Variants in PTPRN2 observed in about 807,000 individuals in gnomAD.
PTPRN2 encodes the protein receptor-type tyrosine-protein phosphatase N2.
In PTPRN2, 74 loss-of-function variants were observed where a neutral mutation model predicts 118.8. The observed-to-expected ratio is 0.62, with a 90% CI of 0.52 to 0.76. The LOEUF (loss-of-function observed/expected upper bound fraction) is 0.76, where lower values mean the gene tolerates loss of function less well. PTPRN2 is among the 30% of genes least tolerant of loss of function. The probability of loss-of-function intolerance (pLI) is 0.00; values close to 1 mark genes in which losing one functional copy is unlikely to be tolerated. For missense variants in PTPRN2, 1,481 were observed against 1,394.4 expected, an observed-to-expected ratio of 1.06 and a Z score of -0.99; for synonymous variants, 641 against 608.0, an observed-to-expected ratio of 1.05 and a Z score of -0.80.
chr7:158,021,826 C>G (rs938540564), intron 11 of PTPRN2, among the ~76,000 whole-genome samples: 1 of 152,240 alleles, frequency 6.6e-6, no homozygotes, highest in East Asian at 1.9e-4. Flanking sequence ...ACCACTACAT[C>G]GGCCAACCCT....
rs1404198609 is a variant in PTPRN2 at position 157,845,394 on chromosome 7, AGCCTAACTCACCAGGTTACTG to A, written c.1788+53258_1788+53278del. Among the ~76,000 whole-genome samples the A allele has an allele frequency of 6.3e-5, 9 of 142,500 alleles. No individual in the cohort carries two copies. The highest frequency in any genetic ancestry group is 2.4e-4 in the African/African-American group (8 of 32,726). The allele number at this position is 142,500 out of a possible 152,430, so 93.5% of individuals were successfully genotyped here. On this transcript the variant is annotated intron_variant, in intron 12 of 22. Coordinates refer to ENST00000389418, the MANE Select transcript of PTPRN2 (RefSeq NM_002847.5). This position sits in a 1 kb window ranked among gnomAD's most constrained non-coding sequence, Gnocchi z 4.5. ...CCGGCCACGCCACAGTGAATCACGC[AGCCTAACTCACCAGGTTACTG>A]GCCTAACTCACCATGTTCCCGGCCA...
chr7:157,608,160 C>T (rs541375670), intron 15 of PTPRN2, among the ~76,000 whole-genome samples: 6 of 152,278 alleles, frequency 3.9e-5, no homozygotes, highest in African/African-American at 1.2e-4. Flanking sequence ...CTCCACCTCT[C>T]GGGTTCAAGT....
chr7:157,914,075 C>T (rs1350861043), intron 11 of PTPRN2, among the ~76,000 whole-genome samples: 1 of 152,186 alleles, frequency 6.6e-6, no homozygotes, highest in Non-Finnish European at 1.5e-5. Flanking sequence ...ATGATGACCC[C>T]TTGTTATTCT....
At chr7:157,918,480 G>A (rs965450451) in intron 11 of PTPRN2, among the ~76,000 whole-genome samples, 24 of 152,338 alleles carry the variant, frequency 1.6e-4, no homozygotes, top group African/African-American at 5.5e-4. Context: ...TGAGGACGAC[G>A]CGTGGGAGCA....
At chr7:157,665,152 C>T (rs1007520628) in intron 13 of PTPRN2, among the ~76,000 whole-genome samples, 2 of 152,318 alleles carry the variant, frequency 1.3e-5, no homozygotes, top group East Asian at 1.9e-4. Flanking sequence ...AGATCTTGGC[C>T]GGACAGAAGG....
intron 12 of PTPRN2, among the ~76,000 whole-genome samples, chr7:157,752,210 G>A (rs925553531): frequency 2.6e-5 from 4 of 152,226 alleles, no homozygotes; most frequent in African/African-American, 9.6e-5. Context: ...GGGGCACCGA[G>A]TGGCCAGGGC....
At chr7:158,006,910 C>T (rs113822691) in intron 11 of PTPRN2, among the ~76,000 whole-genome samples, 14 of 152,304 alleles carry the variant, frequency 9.2e-5, no homozygotes, top group Admixed American at 5.2e-4. Context: ...GGTCCTCTGG[C>T]GGGAAGCCTG....
chr7:158,216,535 GTATT>G (rs746197369), intron 3 of PTPRN2, among the ~76,000 whole-genome samples: 13 of 151,840 alleles, frequency 8.6e-5, no homozygotes, highest in Non-Finnish European at 1.8e-4. Flanking sequence ...TATCATGTAA[GTATT>G]AATCAAAGGA....
intron 12 of PTPRN2, among the ~76,000 whole-genome samples, chr7:157,715,046 TG>T (rs1250417775): frequency 3.3e-5 from 5 of 152,236 alleles, no homozygotes; most frequent in Middle Eastern, 3.2e-3. Flanking sequence ...GCCAGCTTCC[TG>T]GGGAAGAGCT....
chr7:157,826,026 C>T (rs557703135), intron 12 of PTPRN2, among the ~76,000 whole-genome samples: 30 of 152,220 alleles, frequency 2.0e-4, no homozygotes, highest in Non-Finnish European at 3.8e-4. Flanking sequence ...AGGGGTCAGG[C>T]AATCCCCTCT....
At chr7:157,679,599 A>T (rs1010619134) in intron 13 of PTPRN2, among the ~76,000 whole-genome samples, 4 of 152,230 alleles carry the variant, frequency 2.6e-5, no homozygotes, top group African/African-American at 9.6e-5. Context: ...TAGTAATTCA[A>T]TCTCCTTACT....
intron 11 of PTPRN2, among the ~76,000 whole-genome samples, chr7:158,048,623 C>T (rs1809057541): frequency 1.3e-5 from 1 of 74,108 alleles, no homozygotes; most frequent in Non-Finnish European, 2.9e-5. Flanking sequence ...ATCACCACTA[C>T]CACCATCACC....
intron 15 of PTPRN2, among the ~76,000 whole-genome samples, chr7:157,613,841 CG>C (rs1395906001): frequency 3.0e-4 from 46 of 152,204 alleles, no homozygotes; most frequent in Admixed American, 3.0e-3. Context: ...CGCCGTCCTG[CG>C]GCCCCCCCAC....
chr7:158,543,688 G>C (rs1464156440), intron 1 of PTPRN2, among the ~76,000 whole-genome samples: 3 of 152,252 alleles, frequency 2.0e-5, no homozygotes, highest in Non-Finnish European at 4.4e-5. Context: ...CATGTAGTAA[G>C]TGGATGTTCT....
chr7:157,667,872 C>G (rs1045749409), intron 13 of PTPRN2, among the ~76,000 whole-genome samples: 1 of 152,250 alleles, frequency 6.6e-6, no homozygotes, highest in Non-Finnish European at 1.5e-5. Flanking sequence ...CCAACACATC[C>G]AGAGCCAACT....
chr7:157,846,744 C>T (rs1242818691), intron 12 of PTPRN2, among the ~76,000 whole-genome samples: 5 of 150,782 alleles, frequency 3.3e-5, no homozygotes, highest in African/African-American at 1.2e-4. Flanking sequence ...TCTCTCACTC[C>T]ATCATGCGTG....
At chr7:158,551,255 C>G (rs1826635370) in intron 1 of PTPRN2, among the ~76,000 whole-genome samples, 1 of 152,268 alleles carries the variant, frequency 6.6e-6, no homozygotes, top group African/African-American at 2.4e-5. Flanking sequence ...GCAGCCGGCT[C>G]CCTCATGATG....
chr7:158,198,754 G>A (rs1247674907), intron 4 of PTPRN2, among the ~76,000 whole-genome samples: 1 of 66,810 alleles, frequency 1.5e-5, no homozygotes, highest in Non-Finnish European at 2.9e-5. Flanking sequence ...TCAGGTTCTG[G>A]CTTCTCAGGT....
intron 11 of PTPRN2, among the ~76,000 whole-genome samples, chr7:158,061,824 C>T (rs924797850): frequency 6.6e-6 from 1 of 152,272 alleles, no homozygotes; most frequent in African/African-American, 2.4e-5. Context: ...CAGGAACCCA[C>T]TAGTGACAGG....
Sources: allele counts gnomAD v4.1 joint callset (sites outside exome capture counted in the v4.1 genomes callset), GRCh38; gene constraint gnomAD v4.1.1; non-coding constraint Gnocchi (gnomAD v3.1); transcripts MANE v1.5; gene names NCBI Gene and HGNC (gene_info 2026-07-23, HGNC 2026-07-21).